The following DDAH1 variants were observed in gnomAD, a reference collection of about 807,000 sequenced individuals.
DDAH1 encodes dimethylarginine dimethylaminohydrolase 1.
Under a neutral mutation model 28.8 loss-of-function variants are expected in DDAH1, and 19 were observed. The observed-to-expected ratio is 0.66, with a 90% CI of 0.46 to 0.97. DDAH1 has a LOEUF of 0.97. Ranked by LOEUF, DDAH1 falls within the 50% of genes least tolerant of loss-of-function variation. The pLI, the probability that DDAH1 is intolerant of heterozygous loss-of-function variation, is 0.00. For missense variants in DDAH1, 326 were observed against 375.9 expected (o/e 0.87, Z 1.10); for synonymous variants, 153 against 154.4 (o/e 0.99, Z 0.07).
chr1:85,322,379 TAGAA>T (rs1048728751), intron 5 of DDAH1, among the ~76,000 whole-genome samples: 15 of 152,260 alleles, frequency 9.9e-5, no homozygotes, highest in Admixed American at 3.3e-4. Context: ...TTGACACTAA[TAGAA>T]AGCATATGTC....
intron 1 of DDAH1, among the ~76,000 whole-genome samples, chr1:85,410,921 T>A (rs1031966103): frequency 1.3e-5 from 2 of 152,182 alleles, no homozygotes; most frequent in Non-Finnish European, 2.9e-5. Context: ...GGCATTCTGA[T>A]GACAGGTGTG....
chr1:85,423,596 G>A (rs1165447119), intron 1 of DDAH1, among the ~76,000 whole-genome samples: 2 of 151,272 alleles, frequency 1.3e-5, no homozygotes, highest in East Asian at 1.9e-4. Flanking sequence ...ATTGTTCATT[G>A]CTGGTATGTA....
intron 1 of DDAH1, among the ~76,000 whole-genome samples, chr1:85,547,992 G>C (rs1658677020): frequency 6.6e-6 from 1 of 152,174 alleles, no homozygotes; most frequent in Non-Finnish European, 1.5e-5. Flanking sequence ...TTAACCTATA[G>C]TCTGTAAACC....
At chr1:85,378,555 T>C (rs1650804322) in intron 1 of DDAH1, among the ~76,000 whole-genome samples, 1 of 152,258 alleles carries the variant, frequency 6.6e-6, no homozygotes, top group African/African-American at 2.4e-5. Flanking sequence ...ACCATAAGCA[T>C]GTGCCACCAC....
intron 1 of DDAH1, among the ~76,000 whole-genome samples, chr1:85,574,954 G>A (rs112584068): frequency 0.11 from 16,548 of 151,800 alleles, 1,199 homozygotes; most frequent in Non-Finnish European, 0.15. Context: ...AAAAACAGAC[G>A]GGGAGCCTGG....
chr1:85,373,260 C>T (rs192514858), intron 1 of DDAH1, among the ~76,000 whole-genome samples: 64 of 152,240 alleles, frequency 4.2e-4, no homozygotes, highest in Non-Finnish European at 7.2e-4. Context: ...TTCAGGTCTT[C>T]AGGGCACAAT....
chr1:85,499,897 C>T (rs1656732613), intron 1 of DDAH1, among the ~76,000 whole-genome samples: 1 of 152,144 alleles, frequency 6.6e-6, no homozygotes, highest in Admixed American at 6.6e-5. Context: ...ACTTCTAGCA[C>T]TAGTCATTTT....
intron 1 of DDAH1, among the ~76,000 whole-genome samples, chr1:85,511,904 G>C (rs572377558): frequency 4.6e-5 from 7 of 152,090 alleles, no homozygotes; most frequent in Non-Finnish European, 1.0e-4. Context: ...ATTCACAGCC[G>C]AATTCTACCA....
In DDAH1 at chr1:85,324,765, G is replaced by A. The variant is rs756689761; in HGVS notation, c.716C>T (p.Pro239Leu). 11 of 1,613,992 alleles carry A rather than the reference G, an allele frequency of 6.8e-6. No individual in the cohort carries two copies. The highest frequency in any genetic ancestry group is 2.2e-5 in the East Asian group (1 of 44,898). ...NKGHVLLHRT[P>L]EEYPESAKVY... ...CTTTGCACTTTCTGGATACTCTTCCGGGGTTCGGTGCAGCAAGACGTGCCC... is the reference window on the plus strand; with the variant it reads ...CTTTGCACTTTCTGGATACTCTTCCAGGGTTCGGTGCAGCAAGACGTGCCC... The change falls in exon 5 of 6, where the codon CCG becomes CTG. Residue 239 changes from proline to leucine, a missense_variant. Transcript: ENST00000284031.
chr1:85,542,190 G>C, intron 1 of DDAH1, among the ~76,000 whole-genome samples: 1 of 152,156 alleles, frequency 6.6e-6, no homozygotes, highest in East Asian at 1.9e-4. Flanking sequence ...CCTGAACACT[G>C]TCTATAATAC....
At position 85,513,014 on chromosome 1, in the gene DDAH1, T is replaced by C. The variant is rs12093507; in HGVS notation, c.-122-16733A>G. On this transcript the variant is annotated intron_variant, in intron 1 of 6. Transcript: ENST00000426972. ...GGAAAAATCTAATTTAAAGTTCATATGGAACCAACAAAGAGCCTGCACTGC... is the reference window on the plus strand; with the variant it reads ...GGAAAAATCTAATTTAAAGTTCATACGGAACCAACAAAGAGCCTGCACTGC... Among the ~76,000 whole-genome samples, 263 of 152,282 alleles carry C rather than the reference T, an allele frequency of 1.7e-3. 1 individual carries two copies. The highest frequency in any genetic ancestry group is 6.1e-3 in the African/African-American group (254 of 41,550).
At chr1:85,540,230 C>A (rs1321299792) in intron 1 of DDAH1, among the ~76,000 whole-genome samples, 3 of 152,020 alleles carry the variant, frequency 2.0e-5, no homozygotes, top group African/African-American at 7.2e-5. Context: ...TTCCCTTTTC[C>A]TTTGACCTGG....
chr1:85,429,724 G>A (rs576697475), intron 1 of DDAH1, among the ~76,000 whole-genome samples: 6 of 152,156 alleles, frequency 3.9e-5, no homozygotes, highest in Non-Finnish European at 8.8e-5. Context: ...GTGTGAGATG[G>A]TATCTCACTG....
intron 1 of DDAH1, chr1:85,404,271 C>T (rs1216883173): frequency 7.8e-6 from 8 of 1,022,430 alleles, no homozygotes; most frequent in Non-Finnish European, 9.8e-6. Flanking sequence ...GAAGATGCCA[C>T]CAGTTCATAT....
intron 1 of DDAH1, among the ~76,000 whole-genome samples, chr1:85,513,120 C>A (rs182704010): frequency 6.6e-6 from 1 of 152,200 alleles, no homozygotes; most frequent in African/African-American, 2.4e-5. Context: ...GCTACAGTAA[C>A]CAAAACAGCA....
chr1:85,422,220 G>A (rs1653179090), intron 1 of DDAH1, among the ~76,000 whole-genome samples: 1 of 152,086 alleles, frequency 6.6e-6, no homozygotes, highest in Admixed American at 6.5e-5. Context: ...TGAAGAGTCT[G>A]TTCAGGCCTT....
chr1:85,438,004 A>G (rs1654019902), intron 1 of DDAH1, among the ~76,000 whole-genome samples: 1 of 152,246 alleles, frequency 6.6e-6, no homozygotes, highest in Non-Finnish European at 1.5e-5. Flanking sequence ...GCCATAAAAA[A>G]GAATGAAATC....
At chr1:85,394,758 G>C (rs183416445) in intron 1 of DDAH1, among the ~76,000 whole-genome samples, 2 of 152,142 alleles carry the variant, frequency 1.3e-5, no homozygotes, top group African/African-American at 2.4e-5. Context: ...AAGTAAATGA[G>C]TTAAAGGTTT....
intron 1 of DDAH1, among the ~76,000 whole-genome samples, chr1:85,375,136 A>C (rs1281505233): frequency 6.6e-6 from 1 of 152,210 alleles, no homozygotes; most frequent in Non-Finnish European, 1.5e-5. Context: ...CAAAATAAAA[A>C]TATTTAGCTG....
Sources: gnomAD v4.1 joint callset for allele counts (sites outside exome capture counted in the v4.1 genomes callset) on GRCh38, gnomAD v4.1.1 for gene constraint, MANE v1.5 for transcripts, NCBI Gene and HGNC (gene_info 2026-07-23, HGNC 2026-07-21) for gene names.